Variants in RBFOX1 observed in about 807,000 individuals in gnomAD.
RBFOX1 encodes the protein RNA binding fox-1 homolog 1, also known as RNA binding protein fox-1 homolog 1.
A neutral mutation model predicts 57.7 loss-of-function variants in RBFOX1; 8 were observed. The observed-to-expected ratio is 0.14, with a 90% CI of 0.08 to 0.25. RBFOX1 has a LOEUF of 0.25. Among genes scored for constraint, RBFOX1 ranks in the 10% least tolerant of loss-of-function variants. The probability of loss-of-function intolerance (pLI) is 1.00; values close to 1 mark genes in which losing one functional copy is unlikely to be tolerated. For synonymous variants in RBFOX1, 326 were observed against 222.4 expected (o/e 1.47, Z -4.15); for missense variants, 611 against 548.5 (o/e 1.11, Z -1.14).
At chr16:6,669,923 C>A (rs1772315217) in intron 3 of RBFOX1, among the ~76,000 whole-genome samples, 1 of 151,320 alleles carries the variant, frequency 6.6e-6, no homozygotes, top group South Asian at 2.1e-4. Flanking sequence ...ATGGAGAATC[C>A]AGTCAAAGGA....
intron 5 of RBFOX1, among the ~76,000 whole-genome samples, chr16:7,546,525 C>T (rs8055405): frequency 6.6e-6 from 1 of 152,046 alleles, no homozygotes; most frequent in Non-Finnish European, 1.5e-5. Flanking sequence ...ATAGTTATTT[C>T]ATCACCTCGT....
rs576024763 is a variant in RBFOX1, at chr16:6,519,080, C to A, written c.-63-135523C>A. 4.0e-5 allele frequency among the ~76,000 whole-genome samples: 6 copies of A among 151,754 alleles called. No homozygotes were observed. The South Asian group carries it at 1.3e-3, about 32-fold the overall frequency. On this transcript the variant is annotated intron_variant, in intron 2 of 15. Transcript: ENST00000550418. ...CCCTTCTCGGTGAGAAGCTGCCACC[C>A]ATCGTATGCACAAAGTGGAAAGGCA...
At chr16:7,575,482 C>G (rs2093244833) in intron 5 of RBFOX1, among the ~76,000 whole-genome samples, 1 of 152,068 alleles carries the variant, frequency 6.6e-6, no homozygotes, top group African/African-American at 2.4e-5. Flanking sequence ...GAGTTTCACC[C>G]CCGCAGAGGG....
chr16:6,861,138 C>T (rs1178783381), intron 3 of RBFOX1, among the ~76,000 whole-genome samples: 1 of 152,036 alleles, frequency 6.6e-6, no homozygotes, highest in East Asian at 1.9e-4. Context: ...TTTGCTCCAG[C>T]ATCTTCCGTA....
intron 4 of RBFOX1, among the ~76,000 whole-genome samples, chr16:7,361,293 A>G (rs2097315094): frequency 6.6e-6 from 1 of 152,228 alleles, no homozygotes; most frequent in South Asian, 2.1e-4. Context: ...TGCCTGTAAT[A>G]GCAGTGCAGC....
At chr16:6,159,782 A>G (rs991252217) in intron 1 of RBFOX1, among the ~76,000 whole-genome samples, 7 of 152,204 alleles carry the variant, frequency 4.6e-5, no homozygotes, top group Non-Finnish European at 8.8e-5. Context: ...CCCATTGCCC[A>G]CATGTACAAA....
At chr16:6,869,326 A>G (rs2060470781) in intron 3 of RBFOX1, among the ~76,000 whole-genome samples, 1 of 152,168 alleles carries the variant, frequency 6.6e-6, no homozygotes, top group Non-Finnish European at 1.5e-5. Flanking sequence ...AGATGAAGAA[A>G]TGGGCTCAGA....
chr16:5,914,463 C>G (rs894544118), intron 4 of RBFOX1, among the ~76,000 whole-genome samples: 3 of 152,074 alleles, frequency 2.0e-5, no homozygotes, highest in Non-Finnish European at 4.4e-5. Flanking sequence ...TAACCTTTGG[C>G]AGATCCTGGA....
chr16:5,948,833 G>T (rs756938971), intron 4 of RBFOX1, among the ~76,000 whole-genome samples: 14 of 152,142 alleles, frequency 9.2e-5, no homozygotes, highest in Non-Finnish European at 1.6e-4. Context: ...GCATCCCTGG[G>T]ACACTAATAC....
intron 1 of RBFOX1, among the ~76,000 whole-genome samples, chr16:6,314,978 G>A (rs910922726): frequency 1.3e-5 from 2 of 152,138 alleles, no homozygotes; most frequent in African/African-American, 4.8e-5. Flanking sequence ...CACTGTCCCC[G>A]GTGAAGATCT....
At chr16:6,035,843 A>G (rs2095358512) in intron 1 of RBFOX1, among the ~76,000 whole-genome samples, 1 of 152,202 alleles carries the variant, frequency 6.6e-6, no homozygotes, top group Non-Finnish European at 1.5e-5. Context: ...CAAAGAGGCA[A>G]GCTTATCATG....
intron 3 of RBFOX1, among the ~76,000 whole-genome samples, chr16:5,684,993 C>G (rs1022303187): frequency 6.6e-6 from 1 of 152,118 alleles, no homozygotes; most frequent in Non-Finnish European, 1.5e-5. Flanking sequence ...GGCATCCAGC[C>G]TGATGGTTGG....
chr16:5,341,434 T>TA (rs1272410693), intron 1 of RBFOX1, among the ~76,000 whole-genome samples: 1 of 152,042 alleles, frequency 6.6e-6, no homozygotes, highest in Non-Finnish European at 1.5e-5. Flanking sequence ...GTGGCTATAA[T>TA]GGAGTTGGAA....
intron 2 of RBFOX1, among the ~76,000 whole-genome samples, chr16:6,578,389 C>T (rs1190342574): frequency 6.6e-6 from 1 of 152,116 alleles, no homozygotes; most frequent in African/African-American, 2.4e-5. Context: ...GATTCATGAC[C>T]TTATGGATGG....
At position 7,597,806 on chromosome 16, in the gene RBFOX1, G is replaced by C. The variant is rs150135774; in HGVS notation, c.622+375G>C. ...TGCTCGTTGATTACTAATCATTCCT[G>C]GACGTGCAGTCACGTAATTTATTCT... On this transcript the variant is annotated intron_variant, in intron 9 of 15. Transcript: ENST00000550418. Among the ~76,000 whole-genome samples the C allele has an allele frequency of 6.6e-3, 1,010 of 152,310 alleles. 11 individuals are homozygous for C. Among genetic ancestry groups the C allele is most frequent in the African/African-American group, 0.023 (969 of 41,556 alleles).
Position 6,019,801 on chromosome 16 carries a change from G to C in RBFOX1, c.-318G>C. The C allele has an allele frequency of 6.7e-7, 1 of 1,484,102 alleles. No homozygotes were observed. Among genetic ancestry groups the C allele is most frequent in the South Asian group, 1.3e-5 (1 of 78,786 alleles). 91.9% of individuals were successfully genotyped at this position (1,484,102 alleles called of 1,614,324 possible). A position where few individuals can be genotyped will look rare whatever the true frequency, so the allele number is the denominator to read the frequency against. On this transcript the variant is annotated 5_prime_UTR_variant, in exon 1 of 16. Coordinates refer to ENST00000550418, the MANE Select transcript of RBFOX1 (RefSeq NM_018723.4). This position sits in a 1 kb window ranked among gnomAD's most constrained non-coding sequence, Gnocchi z 4.2. ...AGGGTCCCCGCCTGTCCGGACCCTCGCCGCGCCCAGGCAGGCGCGCCAGGG... is the reference window on the plus strand; with the variant it reads ...AGGGTCCCCGCCTGTCCGGACCCTCCCCGCGCCCAGGCAGGCGCGCCAGGG...
chr16:6,211,790 T>G (rs952180230), intron 1 of RBFOX1, among the ~76,000 whole-genome samples: 1 of 152,054 alleles, frequency 6.6e-6, no homozygotes, highest in African/African-American at 2.4e-5. Context: ...ATCAAATAAA[T>G]AACATTCCAT....
At chr16:5,751,791 A>T (rs566356791) in intron 3 of RBFOX1, among the ~76,000 whole-genome samples, 2 of 152,230 alleles carry the variant, frequency 1.3e-5, no homozygotes, top group Non-Finnish European at 2.9e-5. Flanking sequence ...AACTATATTA[A>T]ACCCATTTTA....
At chr16:5,908,904 G>T (rs1195405742) in intron 4 of RBFOX1, among the ~76,000 whole-genome samples, 2 of 151,972 alleles carry the variant, frequency 1.3e-5, no homozygotes, top group African/African-American at 4.8e-5. Context: ...TCCTCTCTGT[G>T]TGAGGACACA....
Sources: allele counts gnomAD v4.1 joint callset (sites outside exome capture counted in the v4.1 genomes callset), GRCh38; gene constraint gnomAD v4.1.1; non-coding constraint Gnocchi (gnomAD v3.1); transcripts MANE v1.5; gene names NCBI Gene and HGNC (gene_info 2026-07-23, HGNC 2026-07-21).